The following CUL9 variants were observed in gnomAD, a reference collection of about 807,000 sequenced individuals.
The protein encoded by CUL9 is cullin-9.
In CUL9, 79 loss-of-function variants were observed where a neutral mutation model predicts 272.6. The observed-to-expected ratio is 0.29, with a 90% confidence interval of 0.24 to 0.35. The LOEUF is 0.35. Ranked by LOEUF, CUL9 falls within the 10% of genes least tolerant of loss-of-function variation. The pLI is 1.00. For synonymous variants in CUL9, 1,186 were observed against 1,286.5 expected, an observed-to-expected ratio of 0.92 and a Z score of 1.67; for missense variants, 2,532 against 3,255.6, an observed-to-expected ratio of 0.78 and a Z score of 5.41.
chr6:43,205,547 C>A, intron 24 of CUL9, 124 bp downstream of exon 24: 2 of 1,174,932 alleles, frequency 1.7e-6, no homozygotes, highest in Non-Finnish European at 2.4e-6. Flanking sequence ...GTGGAGATGG[C>A]TGGCCAGGCG....
chr6:43,201,182 A>T (rs886959161), intron 16 of CUL9, among the ~76,000 whole-genome samples: 1 of 152,226 alleles, frequency 6.6e-6, no homozygotes, highest in Non-Finnish European at 1.5e-5. Flanking sequence ...ACAATAAGAT[A>T]TGGTACCTAC....
At chr6:43,191,291 T>TGTGTGTGTGTGC (rs1354600009) in intron 8 of CUL9, among the ~76,000 whole-genome samples, 2 of 145,754 alleles carry the variant, frequency 1.4e-5, no homozygotes, top group African/African-American at 5.2e-5. Context: ...TGTGTGTGTG[T>TGTGTGTGTGTGC]GCGTGTTGTT....
Position 43,221,619 on chromosome 6 carries a change from C to T in CUL9, c.6753-66C>T. 4.2e-6 allele frequency: 6 copies of T among 1,438,392 alleles called. 1 individual carries two copies. The highest frequency in any genetic ancestry group is 2.3e-5 in the South Asian group (2 of 85,336). 89.1% of individuals were successfully genotyped at this position (1,438,392 alleles called of 1,614,324 possible). Reference sequence around the variant, plus strand: ...AGCATCAACAGCGGTACATCTGGGCCCTTGGCATTCCTGGCACACCCCTGC... The same window carrying T: ...AGCATCAACAGCGGTACATCTGGGCTCTTGGCATTCCTGGCACACCCCTGC... On this transcript the variant is annotated intron_variant, in intron 34 of 40. Coordinates refer to ENST00000252050, the MANE Select transcript of CUL9 (RefSeq NM_015089.4). The surrounding 1 kb of genome is among the most constrained non-coding windows in gnomAD (Gnocchi z 4.2).
chr6:43,201,698 C>A (rs756109066), intron 16 of CUL9, among the ~76,000 whole-genome samples: 3 of 152,182 alleles, frequency 2.0e-5, no homozygotes, highest in Middle Eastern at 3.2e-3. Context: ...TCAGGATGGT[C>A]TCGATCTCCT....
At position 43,223,402 on chromosome 6, in the gene CUL9, T is replaced by C; in HGVS notation, c.7284+5T>C. 6.3e-7 allele frequency: 1 copy of C among 1,590,104 alleles called. No homozygotes were observed. Among genetic ancestry groups the C allele is most frequent in the South Asian group, 1.1e-5 (1 of 87,876 alleles). On this transcript the variant is annotated splice_donor_5th_base_variant and intron_variant, in intron 39 of 40. Transcript: ENST00000252050. This position sits in a 1 kb window ranked among gnomAD's most constrained non-coding sequence, Gnocchi z 4.1. The stretch of plus-strand genomic sequence containing the variant: ...ATCCTGCAGCATTCTGCCCAGGTAC[T>C]GCCCGGCCCAGACCCCTTCTGCTCC...
At position 43,221,037 on chromosome 6, in the gene CUL9, C is replaced by G; in HGVS notation, c.6589-121C>G. Reference sequence around the variant, plus strand: ...CCTCAGCCTCTGCCACCCAGTTGAGCTCTGTTCCTCTTCCTGGAGCCCTCC... The same window carrying G: ...CCTCAGCCTCTGCCACCCAGTTGAGGTCTGTTCCTCTTCCTGGAGCCCTCC... On this transcript the variant is annotated intron_variant, in intron 33 of 40. Transcript: ENST00000252050. The surrounding 1 kb of genome is among the most constrained non-coding windows in gnomAD (Gnocchi z 4.2). 6.8e-7 allele frequency: 1 copy of G among 1,470,222 alleles called. No individual in the cohort carries two copies. The highest frequency in any genetic ancestry group is 1.3e-5 in the South Asian group (1 of 75,690). 91.1% of individuals were successfully genotyped at this position (1,470,222 alleles called of 1,614,324 possible).
rs778826901 is a variant in CUL9, at chr6:43,206,113, C to G, written c.4900C>G (p.Leu1634Val). 6.2e-7 allele frequency: 1 copy of G among 1,614,214 alleles called. No individual in the cohort carries two copies. Among genetic ancestry groups the G allele is most frequent in the African/African-American group, 1.3e-5 (1 of 75,058 alleles). ...CFPNRLPQLM[L>V]QSLSTSEELQ... ...TCCCAACCGCCTCCCACAGCTGATG[C>G]TGCAGAGCCTGAGCACCTCTGAGGA... Residue 1634 changes from leucine to valine, a missense_variant, in exon 25 of 41, where the codon CTG becomes GTG. Around this residue, in one of 3 missense-constraint regions of CUL9, gnomAD observed 2,218 missense variants for 2,788.6 expected, o/e 0.80. Transcript: ENST00000252050. This position sits in a 1 kb window ranked among gnomAD's most constrained non-coding sequence, Gnocchi z 4.8.
chr6:43,184,483 G>A lies in CUL9; in HGVS notation c.173G>A (p.Gly58Asp), dbSNP rs1772734190. 1 of 1,613,392 alleles carries A rather than the reference G, an allele frequency of 6.2e-7. No individual in the cohort carries two copies. Among genetic ancestry groups the A allele is most frequent in the Non-Finnish European group, 8.5e-7 (1 of 1,179,706 alleles). Residue 58 changes from glycine (G) to aspartate (D), a missense_variant, in exon 2 of 41, where the codon GGC (glycine) becomes GAC (aspartate). Around this residue, in one of 3 missense-constraint regions of CUL9, gnomAD observed 2,218 missense variants for 2,788.6 expected, o/e 0.80. Coordinates refer to ENST00000252050, the MANE Select transcript of CUL9 (RefSeq NM_015089.4). The surrounding 1 kb of genome is among the most constrained non-coding windows in gnomAD (Gnocchi z 4.8). ...GTGGGCAAAGTGGGTGTGGAAGAAGGCAAAGCAGAGCACATCCTCATGTGG... is the reference window on the plus strand; with the variant it reads ...GTGGGCAAAGTGGGTGTGGAAGAAGACAAAGCAGAGCACATCCTCATGTGG... ...GEVGKVGVEEGKAEHILMWLS... is the reference protein window; with the variant it reads ...GEVGKVGVEEDKAEHILMWLS...
chr6:43,184,203 C>T lies in CUL9; in HGVS notation c.-9-99C>T, dbSNP rs1262080874. 4 of 900,428 alleles carry T rather than the reference C, an allele frequency of 4.4e-6. No homozygotes were observed. The highest frequency in any genetic ancestry group is 5.6e-5 in the South Asian group (2 of 35,934). The allele number at this position is 900,428 out of a possible 1,614,324, so 55.8% of individuals were successfully genotyped here. A position where few individuals can be genotyped will look rare whatever the true frequency, so the allele number is the denominator to read the frequency against. ...TCCTAAATTCTACCATGCAGCCTAC[C>T]GATCACCACCCACCTTCTCTGTGTC... On this transcript the variant is annotated intron_variant, in intron 1 of 40. Transcript: ENST00000252050. This position sits in a 1 kb window ranked among gnomAD's most constrained non-coding sequence, Gnocchi z 4.8.
At chr6:43,210,341 A>G (rs931012741) in intron 26 of CUL9, among the ~76,000 whole-genome samples, 5 of 152,194 alleles carry the variant, frequency 3.3e-5, no homozygotes, top group African/African-American at 1.2e-4. Context: ...GATTCAGGTT[A>G]TGCATTCCCA....
chr6:43,221,075 T>C lies in CUL9; in HGVS notation c.6589-83T>C. The C allele has an allele frequency of 6.6e-7, 1 of 1,525,582 alleles. No homozygotes were observed. Among genetic ancestry groups the C allele is most frequent in the Non-Finnish European group, 8.8e-7 (1 of 1,131,902 alleles). The allele number at this position is 1,525,582 out of a possible 1,614,324, so 94.5% of individuals were successfully genotyped here. A position where few individuals can be genotyped will look rare whatever the true frequency, so the allele number is the denominator to read the frequency against. On this transcript the variant is annotated intron_variant, in intron 33 of 40. Transcript: ENST00000252050. The surrounding 1 kb of genome is among the most constrained non-coding windows in gnomAD (Gnocchi z 4.2). ...CCTGGAGCCCTCCAAATGTGATCTG[T>C]GCCTGCTCCCCTCTCTCCTGTGCAC...
chr6:43,198,141 T>A, intron 11 of CUL9: 1 of 336,022 alleles, frequency 3.0e-6, no homozygotes, highest in Non-Finnish European at 4.2e-6. Context: ...CTTGGGAGGC[T>A]GAGGCAGGAG....
intron 26 of CUL9, among the ~76,000 whole-genome samples, chr6:43,211,876 C>T (rs536601763): frequency 6.6e-6 from 1 of 152,208 alleles, no homozygotes; most frequent in Non-Finnish European, 1.5e-5. Flanking sequence ...ACAGTCATTG[C>T]TCATATTTCC....
rs149800737 is a variant in CUL9, at chr6:43,198,687, C to T, written c.2882C>T (p.Ala961Val). ...LIRSLVGGPS[A>V]ELLLDLERVL... ...CGATCCCTGGTTGGGGGCCCATCTG[C>T]AGAACTACTCCTGGACTTGGAGCGT... Residue 961 changes from alanine to valine, a missense_variant, in exon 12 of 41, where the codon GCA becomes GTA. Physicochemically the swap from Ala to Val is moderately conservative, Grantham distance 64. Around this residue, in one of 3 missense-constraint regions of CUL9, gnomAD observed 2,218 missense variants for 2,788.6 expected, o/e 0.80. Coordinates refer to ENST00000252050, the MANE Select transcript of CUL9 (RefSeq NM_015089.4). 2.4e-5 allele frequency: 38 copies of T among 1,614,080 alleles called. No individual in the cohort carries two copies. In the Middle Eastern group the frequency reaches 6.6e-4, roughly 28 times the overall value.
chr6:43,200,668 A>G lies in CUL9; in HGVS notation c.3481A>G (p.Ser1161Gly), dbSNP rs1453565145. 1 of 1,614,042 alleles carries G rather than the reference A, an allele frequency of 6.2e-7. No individual in the cohort carries two copies. The highest frequency in any genetic ancestry group is 1.7e-5 in the Admixed American group (1 of 60,014). The change falls in exon 16 of 41, where the codon AGT becomes GGT. Residue 1161 changes from serine to glycine, a missense_variant. Physicochemically the swap from Ser to Gly is moderately conservative, Grantham distance 56. Transcript: ENST00000252050. This position sits in a 1 kb window ranked among gnomAD's most constrained non-coding sequence, Gnocchi z 4.0. ...CCCTTCCCACTTGCCCCCAGGCTCC[A>G]GTGTGGAAGTGAAGGAGGACAAGTG... ...VFLRHLCQGS[S>G]VEVKEDKCWE...
chr6:43,194,956 G>A (rs1203846745), intron 9 of CUL9, among the ~76,000 whole-genome samples: 1 of 152,114 alleles, frequency 6.6e-6, no homozygotes, highest in Non-Finnish European at 1.5e-5. Flanking sequence ...TTGGGAGGCT[G>A]AGGCGGGAGA....
At position 43,215,231 on chromosome 6, in the gene CUL9, G is replaced by T. The variant is rs774068045; in HGVS notation, c.5841G>T (p.Gln1947His). 2 of 1,614,202 alleles carry T rather than the reference G, an allele frequency of 1.2e-6. No individual in the cohort carries two copies. The highest frequency in any genetic ancestry group is 1.7e-6 in the Non-Finnish European group (2 of 1,180,040). The change falls in exon 30 of 41, where the codon CAG becomes CAT. Residue 1947 changes from glutamine (Q) to histidine (H), a missense_variant. Gln to His is a conservative substitution (Grantham distance 24). Coordinates refer to ENST00000252050, the MANE Select transcript of CUL9 (RefSeq NM_015089.4). ...GYVKRRDDRP[Q>H]ILMYAAPEPM... ...TGAAACGGCGTGATGACCGGCCCCAGATCCTGATGTATGCCGCTCCAGAGC... is the reference window on the plus strand; with the variant it reads ...TGAAACGGCGTGATGACCGGCCCCATATCCTGATGTATGCCGCTCCAGAGC...
In CUL9 at chr6:43,213,796, GAGA is replaced by G. The variant is rs777517414; in HGVS notation, c.5575_5577del (p.Lys1859del). ...ACCTCCCCAGGCATACCTGAACGTA[GAGA>G]AGGATGAAGGCCGAACCCTGGAACA... On this transcript the variant is annotated inframe_deletion, in exon 29 of 41. Coordinates refer to ENST00000252050, the MANE Select transcript of CUL9 (RefSeq NM_015089.4). This position sits in a 1 kb window ranked among gnomAD's most constrained non-coding sequence, Gnocchi z 5.7. 16 of 1,614,096 alleles carry G rather than the reference GAGA, an allele frequency of 9.9e-6. No individual in the cohort carries two copies. The highest frequency in any genetic ancestry group is 2.7e-5 in the African/African-American group (2 of 74,932).
intron 35 of CUL9, 168 bp from the exon 36 acceptor site, chr6:43,222,148 T>C (rs745979381): frequency 1.5e-6 from 1 of 654,222 alleles, no homozygotes; most frequent in Non-Finnish European, 2.7e-6. Context: ...CTCAACAGCC[T>C]CTGCAAAAGG....
Sources: gnomAD v4.1 joint callset for allele counts (sites outside exome capture counted in the v4.1 genomes callset) on GRCh38, gnomAD v4.1.1 for gene constraint, gnomAD v4.1.1 regional missense constraint, Gnocchi (gnomAD v3.1) non-coding constraint, MANE v1.5 for transcripts, NCBI Gene and HGNC (gene_info 2026-07-23, HGNC 2026-07-21) for gene names.